BMPR1A: variants seen among roughly 807,000 people sequenced by gnomAD.
BMPR1A encodes the protein bone morphogenetic protein receptor type 1A.
In BMPR1A, 7 loss-of-function variants were observed where a neutral mutation model predicts 66.0. That is an observed-to-expected ratio of 0.11 (90% CI 0.06 to 0.20). The LOEUF (loss-of-function observed/expected upper bound fraction) is 0.20. Among genes scored for constraint, BMPR1A ranks in the 10% least tolerant of loss-of-function variants. The probability of loss-of-function intolerance (pLI) is 1.00; values close to 1 mark genes in which losing one functional copy is unlikely to be tolerated. For synonymous variants in BMPR1A, 200 were observed against 229.7 expected (o/e 0.87, Z 1.17); for missense variants, 408 against 669.1 (o/e 0.61, Z 4.31).
rs1843718053 is a variant in BMPR1A at position 86,924,865 on chromosome 10, T to C, written c.*1146T>C. On this transcript the variant is annotated 3_prime_UTR_variant, in exon 13 of 13. Coordinates refer to ENST00000372037, the MANE Select transcript of BMPR1A (RefSeq NM_004329.3). ...TATAAAGTAGAACTAAATATAAATT[T>C]TCAGAATTAATGCATTCAAAGTAAT... 4.3e-6 allele frequency: 1 copy of C among 232,248 alleles called. No homozygotes were observed. Among genetic ancestry groups the C allele is most frequent in the Non-Finnish European group, 8.5e-6 (1 of 117,538 alleles). The allele number at this position is 232,248 out of a possible 1,614,324, so 14.4% of individuals were successfully genotyped here.
At position 86,876,027 on chromosome 10, in the gene BMPR1A, G is replaced by A. The variant is rs1589757057; in HGVS notation, c.9G>A (p.Gln3=). The change falls in exon 3 of 13, where the codon CAG becomes CAA. Residue 3 remains glutamine, a synonymous_variant. Transcript: ENST00000372037. ...AACATTACAATTGAACAATGCCTCAGCTATACATTTACATCAGATTATTGG... is the reference window on the plus strand; with the variant it reads ...AACATTACAATTGAACAATGCCTCAACTATACATTTACATCAGATTATTGG... MP[Q]LYIYIRLLGA... 2 of 1,608,938 alleles carry A rather than the reference G, an allele frequency of 1.2e-6. No individual in the cohort carries two copies. The highest frequency in any genetic ancestry group is 2.2e-5 in the South Asian group (2 of 90,970).
chr10:86,804,780 A>G (rs1841863998), intron 1 of BMPR1A, among the ~76,000 whole-genome samples: 2 of 122,416 alleles, frequency 1.6e-5, no homozygotes, highest in South Asian at 2.5e-4. Flanking sequence ...TTTTAGCTTA[A>G]TGTTTGTAGG....
intron 5 of BMPR1A, among the ~76,000 whole-genome samples, chr10:86,898,754 A>T (rs113649250): frequency 3.3e-5 from 5 of 152,192 alleles, no homozygotes; most frequent in African/African-American, 9.6e-5. Context: ...TGGATGCTTG[A>T]CACTTCTTTC....
chr10:86,808,822 A>G (rs924266049), intron 1 of BMPR1A, among the ~76,000 whole-genome samples: 1 of 152,190 alleles, frequency 6.6e-6, no homozygotes, highest in African/African-American at 2.4e-5. Context: ...TTCAGTTTCC[A>G]GAATTTCCAT....
At chr10:86,915,769 G>A (rs559792013) in intron 8 of BMPR1A, among the ~76,000 whole-genome samples, 4 of 152,244 alleles carry the variant, frequency 2.6e-5, no homozygotes, top group Admixed American at 1.3e-4. Flanking sequence ...TATAATAAAT[G>A]ATACATAAAG....
chr10:86,888,783 C>T (rs1460579547), intron 3 of BMPR1A, among the ~76,000 whole-genome samples: 1 of 139,590 alleles, frequency 7.2e-6, no homozygotes, highest in Non-Finnish European at 1.5e-5. Flanking sequence ...GCTCTGATCA[C>T]ATCACTGTAC....
intron 2 of BMPR1A, among the ~76,000 whole-genome samples, chr10:86,874,768 A>G (rs1386170547): frequency 2.5e-5 from 3 of 118,044 alleles, no homozygotes; most frequent in Non-Finnish European, 4.8e-5. Context: ...TGTAGGCTGG[A>G]GTGCAGTGGC....
At chr10:86,789,479 G>A (rs1841568161) in intron 1 of BMPR1A, among the ~76,000 whole-genome samples, 1 of 152,102 alleles carries the variant, frequency 6.6e-6, no homozygotes, top group South Asian at 2.1e-4. Context: ...TTGGGAGACT[G>A]AGGTGGGCGG....
intron 1 of BMPR1A, among the ~76,000 whole-genome samples, chr10:86,774,853 T>C (rs184745971): frequency 5.3e-5 from 8 of 152,314 alleles, no homozygotes; most frequent in African/African-American, 1.7e-4. Flanking sequence ...GTAAAAAATA[T>C]ATTAAATGAA....
At chr10:86,766,738 C>T (rs1446833416) in intron 1 of BMPR1A, among the ~76,000 whole-genome samples, 1 of 151,880 alleles carries the variant, frequency 6.6e-6, no homozygotes, top group Non-Finnish European at 1.5e-5. Flanking sequence ...GCCTCAGCCT[C>T]CCGAGTACAG....
intron 3 of BMPR1A, among the ~76,000 whole-genome samples, chr10:86,883,121 C>A (rs1421376785): frequency 4.6e-5 from 7 of 152,132 alleles, no homozygotes; most frequent in Non-Finnish European, 8.8e-5. Context: ...CCTCTCTACC[C>A]CCATGCACTT....
chr10:86,909,639 T>C (rs1020940492), intron 7 of BMPR1A, among the ~76,000 whole-genome samples: 4 of 150,592 alleles, frequency 2.7e-5, no homozygotes, highest in African/African-American at 4.9e-5. Context: ...TTAAATAAGC[T>C]TCAAAAAGTC....
At chr10:86,793,101 C>G (rs565084875) in intron 1 of BMPR1A, among the ~76,000 whole-genome samples, 1 of 130,218 alleles carries the variant, frequency 7.7e-6, no homozygotes, top group African/African-American at 2.9e-5. Context: ...TATACCCCCC[C>G]CCACCCCCCG....
At chr10:86,828,519 G>A (rs1842227066) in intron 1 of BMPR1A, among the ~76,000 whole-genome samples, 1 of 152,198 alleles carries the variant, frequency 6.6e-6, no homozygotes, top group Admixed American at 6.5e-5. Flanking sequence ...AGTCCCTGAT[G>A]ATTTCACTGT....
rs929716555 is a variant in BMPR1A at position 86,906,723 on chromosome 10, C to CAAAAAAA, written c.531-5484_531-5478dup. Among the ~76,000 whole-genome samples, 103 of 10,698 alleles carry CAAAAAAA rather than the reference C, an allele frequency of 9.6e-3. 25 individuals carry two copies. The highest frequency in any genetic ancestry group is 0.011 in the Non-Finnish European group (95 of 8,572). 7.0% of individuals were successfully genotyped at this position (10,698 alleles called of 152,430 possible). ...TGGGCGACAGAGTGAGACTCCGTCT[C>CAAAAAAA]AAAAAAAAAAAAAAAAAAAAAAAAA... On this transcript the variant is annotated intron_variant, in intron 7 of 12. Transcript: ENST00000372037.
intron 1 of BMPR1A, among the ~76,000 whole-genome samples, chr10:86,761,668 C>A (rs1841059958): frequency 6.6e-6 from 1 of 152,056 alleles, no homozygotes; most frequent in Non-Finnish European, 1.5e-5. Flanking sequence ...TGCAAAAATT[C>A]AAAAAATTGC....
chr10:86,802,843 G>A (rs530386841), intron 1 of BMPR1A, among the ~76,000 whole-genome samples: 1 of 151,914 alleles, frequency 6.6e-6, no homozygotes, highest in South Asian at 2.1e-4. Context: ...GGCTGAGGCA[G>A]GAGGATTGCT....
chr10:86,911,176 A>AAG (rs1843477325), intron 7 of BMPR1A, among the ~76,000 whole-genome samples: 1 of 150,720 alleles, frequency 6.6e-6, no homozygotes, highest in African/African-American at 2.5e-5. Flanking sequence ...AAAAAAAAAA[A>AAG]TTAAACCTTG....
intron 1 of BMPR1A, among the ~76,000 whole-genome samples, chr10:86,788,454 G>A (rs1841549499): frequency 6.6e-6 from 1 of 152,212 alleles, no homozygotes; most frequent in Non-Finnish European, 1.5e-5. Flanking sequence ...GTAAAGCAGT[G>A]TCCAGACATT....
Sources: allele counts gnomAD v4.1 joint callset (sites outside exome capture counted in the v4.1 genomes callset), GRCh38; gene constraint gnomAD v4.1.1; transcripts MANE v1.5; gene names NCBI Gene and HGNC (gene_info 2026-07-23, HGNC 2026-07-21).